PDZD4: variants seen among roughly 807,000 people sequenced by gnomAD.
PDZD4 encodes the protein PDZ domain containing 4, also known as PDZ domain-containing protein 4.
PDZD4 carries 9 observed loss-of-function variants against 38.5 expected under a neutral mutation model. The ratio of observed to expected loss-of-function variants is 0.23; its 90% CI spans 0.14 to 0.41. The LOEUF (loss-of-function observed/expected upper bound fraction) is 0.41, where lower values mean the gene tolerates loss of function less well. PDZD4 is among the 10% of genes least tolerant of loss of function. PDZD4 has a pLI of 1.00. For synonymous variants in PDZD4, 349 were observed against 315.7 expected, an observed-to-expected ratio of 1.11 and a Z score of -1.12; for missense variants, 612 against 722.0, an observed-to-expected ratio of 0.85 and a Z score of 1.75.
In PDZD4 at chrX:153,804,226, G is replaced by A. The variant is rs1226127045; in HGVS notation, c.1455C>T (p.Ser485=). The A allele has an allele frequency of 1.7e-6, 2 of 1,205,967 alleles. No homozygotes were observed. The highest frequency in any genetic ancestry group is 2.2e-6 in the Non-Finnish European group (2 of 893,117). The change falls in exon 8 of 8, where the codon AGC becomes AGT. Residue 485 remains serine (S), a synonymous_variant. Coordinates refer to ENST00000393758, the MANE Select transcript of PDZD4 (RefSeq NM_001303512.2). ...GCAGGGGCTCCACAAGCAGCGGGGT[G>A]CTGCGGCAGCTCTCCCCAGTGTTGT... is the stretch of plus-strand genomic sequence containing the variant. ...SAYNTGESCR[S]TPLLVEPLPE... is the part of the protein sequence containing the mutation.
rs782180058 is a variant in PDZD4, at chrX:153,819,647, G to A, written c.60+10592C>T. Among the ~76,000 whole-genome samples the A allele has an allele frequency of 6.6e-4, 74 of 112,531 alleles. 1 individual carries two copies. In the South Asian group the frequency reaches 0.025, roughly 38 times the overall value. On this transcript the variant is annotated intron_variant, in intron 1 of 7. Transcript: ENST00000393758. ...CTGCCTGCTGGCTCTCAGCTCTGCC[G>A]TCTGGAGTATCCAGGACACCTTGGA...
At position 153,807,388 on chromosome X, in the gene PDZD4, G is replaced by A. The variant is rs1557077485; in HGVS notation, c.315-19C>T. The A allele has an allele frequency of 1.7e-6, 2 of 1,186,398 alleles. No individual in the cohort carries two copies. Among genetic ancestry groups the A allele is most frequent in the Non-Finnish European group, 2.3e-6 (2 of 879,033 alleles). On this transcript the variant is annotated intron_variant, in intron 2 of 7. Coordinates refer to ENST00000393758, the MANE Select transcript of PDZD4 (RefSeq NM_001303512.2). ...TGGGGGGCTGCCCAGGAGAAGGTGG[G>A]GGTCAGACCAGCTGGCCATCCTCTC...
chrX:153,826,878 C>T (rs1346800890), intron 1 of PDZD4, among the ~76,000 whole-genome samples: 1 of 111,651 alleles, frequency 9.0e-6, no homozygotes, highest in African/African-American at 3.3e-5. Context: ...GAAAACGCAC[C>T]CCATGCTCAT....
At chrX:153,826,673 A>G (rs2064485365) in intron 1 of PDZD4, among the ~76,000 whole-genome samples, 2 of 111,689 alleles carry the variant, frequency 1.8e-5, no homozygotes, top group African/African-American at 3.3e-5. Context: ...TGGCCTCCCA[A>G]AGTGCTGGGA....
intron 1 of PDZD4, among the ~76,000 whole-genome samples, chrX:153,810,262 C>T (rs987557249): frequency 2.1e-4 from 24 of 112,332 alleles, no homozygotes; most frequent in Non-Finnish European, 4.5e-4. Context: ...ATGGCTATGC[C>T]CCGCAGGTGA....
intron 1 of PDZD4, among the ~76,000 whole-genome samples, chrX:153,828,768 C>T (rs781811739): frequency 8.9e-6 from 1 of 112,044 alleles, no homozygotes; most frequent in Non-Finnish European, 1.9e-5. Flanking sequence ...TTGGAGAAAT[C>T]GCTTGCCGTT....
chrX:153,819,975 G>A (rs782142160), intron 1 of PDZD4, among the ~76,000 whole-genome samples: 6 of 111,686 alleles, frequency 5.4e-5, no homozygotes, highest in Non-Finnish European at 9.4e-5. Flanking sequence ...CCCTTAGCAC[G>A]GAATTCCGCA....
intron 1 of PDZD4, among the ~76,000 whole-genome samples, chrX:153,810,312 G>A (rs988677226): frequency 2.7e-5 from 3 of 112,584 alleles, no homozygotes; most frequent in African/African-American, 9.7e-5. Context: ...GGGAGCACAC[G>A]GCTGGCCATG....
rs1382140366 is a variant in PDZD4 at position 153,803,926 on chromosome X, C to T, written c.1755G>A (p.Glu585=). Residue 585 remains glutamate (E), a synonymous_variant, in exon 8 of 8, where the codon GAG becomes GAA. Coordinates refer to ENST00000393758, the MANE Select transcript of PDZD4 (RefSeq NM_001303512.2). The part of the protein sequence containing the change: ...RRHRGQGQEG[E]HYHSCVQLAP... ...CCAGCTGCACGCAGCTGTGGTAGTG[C>T]TCGCCCTCCTGGCCCTGGCCGCGGT... 1.7e-6 allele frequency: 2 copies of T among 1,172,983 alleles called. No homozygotes were observed. The highest frequency in any genetic ancestry group is 2.3e-6 in the Non-Finnish European group (2 of 878,168).
chrX:153,820,049 T>A (rs782319710), intron 1 of PDZD4, among the ~76,000 whole-genome samples: 75 of 111,745 alleles, frequency 6.7e-4, no homozygotes, highest in African/African-American at 1.8e-3. Context: ...TAGCTTTTTT[T>A]AAAAATCTAG....
At chrX:153,818,384 A>G (rs2064383785) in intron 1 of PDZD4, among the ~76,000 whole-genome samples, 1 of 111,804 alleles carries the variant, frequency 8.9e-6, no homozygotes, top group Non-Finnish European at 1.9e-5. Context: ...GGCTGCAGTG[A>G]GCCGTGATTG....
chrX:153,804,983 T>G lies in PDZD4; in HGVS notation c.781-83A>C, dbSNP rs782147450. 9.8e-6 allele frequency: 11 copies of G among 1,127,347 alleles called. No individual in the cohort carries two copies. In the African/African-American group the frequency reaches 1.8e-4, roughly 18 times the overall value. The allele number at this position is 1,127,347 out of a possible 1,213,427, so 92.9% of individuals were successfully genotyped here. A position where few individuals can be genotyped will look rare whatever the true frequency, so the allele number is the denominator to read the frequency against. ...ATGTCACAGGAGGATCGGAAGGGGC[T>G]TCAGGCCTGGTTCATTTCCCTGCCA... On this transcript the variant is annotated intron_variant, in intron 7 of 7. Coordinates refer to ENST00000393758, the MANE Select transcript of PDZD4 (RefSeq NM_001303512.2).
intron 2 of PDZD4, among the ~76,000 whole-genome samples, chrX:153,807,650 A>C (rs2064265777): frequency 8.9e-6 from 1 of 112,384 alleles, no homozygotes. Flanking sequence ...TCCTCCAACC[A>C]CGCCAGCTGG....
intron 2 of PDZD4, chrX:153,807,885 G>A (rs1161683921): frequency 1.0e-6 from 1 of 980,351 alleles, no homozygotes; most frequent in Non-Finnish European, 1.3e-6. Flanking sequence ...AGCAGAATGA[G>A]GCAGCGCTCA....
At chrX:153,825,995 T>A (rs2064477191) in intron 1 of PDZD4, among the ~76,000 whole-genome samples, 1 of 111,112 alleles carries the variant, frequency 9.0e-6, no homozygotes, top group Admixed American at 9.5e-5. Context: ...GCGGGCAGGA[T>A]TGCTTGAGGC....
intron 1 of PDZD4, among the ~76,000 whole-genome samples, chrX:153,809,085 T>C (rs2064283653): frequency 8.9e-6 from 1 of 112,706 alleles, no homozygotes; most frequent in South Asian, 3.6e-4. Context: ...ACCTTGACTC[T>C]TCAGATGAGC....
intron 1 of PDZD4, among the ~76,000 whole-genome samples, chrX:153,826,467 G>A (rs1264358534): frequency 9.1e-6 from 1 of 109,500 alleles, no homozygotes; most frequent in East Asian, 2.9e-4. Flanking sequence ...GGAGTGCAGC[G>A]GTGCAATCTC....
intron 4 of PDZD4, 56 bp from the exon 5 acceptor site, chrX:153,806,189 G>T: frequency 8.7e-7 from 1 of 1,154,111 alleles, no homozygotes; most frequent in Non-Finnish European, 1.2e-6. Flanking sequence ...TTCGGTAGAA[G>T]GGGGCAGGCT....
intron 1 of PDZD4, among the ~76,000 whole-genome samples, chrX:153,811,224 C>A (rs2064307337): frequency 1.8e-5 from 2 of 111,440 alleles, no homozygotes; most frequent in Non-Finnish European, 3.8e-5. Context: ...GCAACCTCTG[C>A]CTCCTGGGTT....
Sources: allele counts gnomAD v4.1 joint callset (sites outside exome capture counted in the v4.1 genomes callset), GRCh38; gene constraint gnomAD v4.1.1; transcripts MANE v1.5; gene names NCBI Gene and HGNC (gene_info 2026-07-23, HGNC 2026-07-21).